Variants in SRFBP1 observed in about 807,000 individuals in gnomAD.
SRFBP1 encodes the protein serum response factor binding protein 1, also known as serum response factor-binding protein 1.
In SRFBP1, 47 loss-of-function variants were observed where a neutral mutation model predicts 45.5. The ratio of observed to expected loss-of-function variants is 1.03; its 90% CI spans 0.82 to 1.32. The LOEUF is 1.32. SRFBP1 is among the 40% of genes most tolerant of loss of function. The pLI, the probability that SRFBP1 is intolerant of heterozygous loss-of-function variation, is 0.00. For missense variants in SRFBP1, 621 were observed against 484.6 expected (o/e 1.28, Z -2.64); for synonymous variants, 203 against 166.3 (o/e 1.22, Z -1.70).
At chr5:122,015,918 C>T (rs916867550) in intron 4 of SRFBP1, among the ~76,000 whole-genome samples, 1 of 152,142 alleles carries the variant, frequency 6.6e-6, no homozygotes, top group Non-Finnish European at 1.5e-5. Context: ...TATATCCCCT[C>T]CATCCTCCTC....
intron 4 of SRFBP1, among the ~76,000 whole-genome samples, chr5:122,018,112 T>A (rs936761639): frequency 1.3e-5 from 2 of 152,172 alleles, no homozygotes; most frequent in Non-Finnish European, 2.9e-5. Flanking sequence ...GTGTATATAT[T>A]TGGGAGTAGA....
downstream of SRFBP1, among the ~76,000 whole-genome samples, chr5:122,031,548 G>A (rs1310001934): frequency 6.6e-6 from 1 of 152,114 alleles, no homozygotes; most frequent in Non-Finnish European, 1.5e-5. Flanking sequence ...ACGAAGAAAA[G>A]CCAAAAAGGA....
chr5:121,977,920 C>G (rs1464858138), intron 3 of SRFBP1, among the ~76,000 whole-genome samples: 1 of 152,120 alleles, frequency 6.6e-6, no homozygotes, highest in Non-Finnish European at 1.5e-5. Flanking sequence ...GCTGCCTTTT[C>G]TATAATAGTG....
At chr5:122,070,388 G>T in intron 2 of SRFBP1, 1 of 678,130 alleles carries the variant, frequency 1.5e-6, no homozygotes, top group Non-Finnish European at 2.6e-6. Context: ...ATAGTTTGAG[G>T]ATGTATAATT....
chr5:122,035,478 A>G (rs561675493), intron 2 of SRFBP1, among the ~76,000 whole-genome samples: 26 of 152,334 alleles, frequency 1.7e-4, no homozygotes, highest in Admixed American at 1.0e-3. Flanking sequence ...GCTCTGTCAC[A>G]AGTGAGCCAG....
chr5:122,024,100 A>G (rs1021428418), intron 7 of SRFBP1, among the ~76,000 whole-genome samples: 1 of 152,184 alleles, frequency 6.6e-6, no homozygotes, highest in Non-Finnish European at 1.5e-5. Flanking sequence ...AAGTTCCCAA[A>G]TATCTAGATT....
chr5:122,022,784 C>T (rs1166735405), intron 7 of SRFBP1, among the ~76,000 whole-genome samples: 1 of 152,186 alleles, frequency 6.6e-6, no homozygotes, highest in Non-Finnish European at 1.5e-5. Flanking sequence ...AGAGTATAAT[C>T]AGAATATTTT....
intron 3 of SRFBP1, among the ~76,000 whole-genome samples, chr5:121,979,120 G>T (rs1035656735): frequency 6.6e-6 from 1 of 152,038 alleles, no homozygotes; most frequent in African/African-American, 2.4e-5. Context: ...ATCTGTAAAG[G>T]CATAAAAGTT....
intron 3 of SRFBP1, 31 bp downstream of exon 3, chr5:121,975,418 A>G (rs753707806): frequency 2.5e-6 from 4 of 1,609,220 alleles, no homozygotes; most frequent in Non-Finnish European, 3.4e-6. Context: ...GTATGTGTGT[A>G]TGTTTCTGAG....
chr5:122,068,264 A>G (rs1754354234), intron 2 of SRFBP1, among the ~76,000 whole-genome samples: 2 of 151,958 alleles, frequency 1.3e-5, no homozygotes, highest in African/African-American at 2.4e-5. Context: ...GAGCAATACA[A>G]CAATTTTTAT....
intron 7 of SRFBP1, among the ~76,000 whole-genome samples, chr5:122,024,876 A>G (rs1265805486): frequency 6.6e-6 from 1 of 152,248 alleles, no homozygotes; most frequent in African/African-American, 2.4e-5. Context: ...AATATATAAA[A>G]TAATACATTC....
At chr5:122,017,590 C>T (rs74985780) in intron 4 of SRFBP1, among the ~76,000 whole-genome samples, 3,558 of 152,200 alleles carry the variant, frequency 0.023, 143 homozygotes, top group African/African-American at 0.081. Flanking sequence ...TTTGAGGGGA[C>T]GCGATTCAAC....
intron 4 of SRFBP1, among the ~76,000 whole-genome samples, chr5:122,012,767 A>T (rs185531055): frequency 6.6e-6 from 1 of 152,208 alleles, no homozygotes; most frequent in East Asian, 1.9e-4. Flanking sequence ...AATTATTATG[A>T]TTTCTTATAG....
At chr5:122,014,031 A>C (rs78096077) in intron 4 of SRFBP1, among the ~76,000 whole-genome samples, 1 of 152,320 alleles carries the variant, frequency 6.6e-6, no homozygotes, top group African/African-American at 2.4e-5. Flanking sequence ...GAGAGGATTT[A>C]AAATGTTCCC....
Position 122,072,655 on chromosome 5 carries a change from G to C in SRFBP1, n.312-2660G>C, listed in dbSNP as rs147236784. Among the ~76,000 whole-genome samples the C allele has an allele frequency of 6.0e-4, 91 of 152,270 alleles. 1 individual carries two copies. Among genetic ancestry groups the C allele is most frequent in the African/African-American group, 2.1e-3 (88 of 41,560 alleles). On this transcript the variant is annotated intron_variant and non_coding_transcript_variant, in intron 2 of 2. Coordinates refer to the SRFBP1 transcript ENST00000504881. Reference sequence around the variant, plus strand: ...CTTTAAATGAAGTCCATGTGAAAGAGACATTGATCTAATGAAAAAAACAAA... The same window carrying C: ...CTTTAAATGAAGTCCATGTGAAAGACACATTGATCTAATGAAAAAAACAAA...
rs985407682 is a variant in SRFBP1 at position 122,027,273 on chromosome 5, A to G, written c.*147A>G. ...ACTCCTGGGCTCAAGTGATCCTCCC[A>G]CCTCTGCCTCCCAAAGGGCTGGGAC... On this transcript the variant is annotated 3_prime_UTR_variant, in exon 8 of 8. Coordinates refer to ENST00000339397, the MANE Select transcript of SRFBP1 (RefSeq NM_152546.3). The G allele has an allele frequency of 1.7e-6, 1 of 601,516 alleles. No individual in the cohort carries two copies. Among genetic ancestry groups the G allele is most frequent in the Non-Finnish European group, 2.8e-6 (1 of 359,220 alleles). 37.3% of individuals were successfully genotyped at this position (601,516 alleles called of 1,614,324 possible).
chr5:122,042,201 A>G (rs1398685556), intron 2 of SRFBP1, among the ~76,000 whole-genome samples: 2 of 152,214 alleles, frequency 1.3e-5, no homozygotes, highest in Non-Finnish European at 2.9e-5. Context: ...CTTTAAAAGT[A>G]ACCATTTTGT....
rs550044983 is a variant in SRFBP1 at position 122,002,425 on chromosome 5, C to T, written c.270+7755C>T. On this transcript the variant is annotated intron_variant, in intron 4 of 7. Coordinates refer to ENST00000339397, the MANE Select transcript of SRFBP1 (RefSeq NM_152546.3). ...CTGTGGAATCCATGTAATGGGCTTACTCTTTTTGAATTTTTAAATATAGTA... is the reference window on the plus strand; with the variant it reads ...CTGTGGAATCCATGTAATGGGCTTATTCTTTTTGAATTTTTAAATATAGTA... Among the ~76,000 whole-genome samples the T allele has an allele frequency of 1.4e-4, 21 of 152,312 alleles. 1 individual carries two copies. The highest frequency in any genetic ancestry group is 5.1e-4 in the African/African-American group (21 of 41,574).
At chr5:121,967,886 A>G (rs1752108522) in intron 1 of SRFBP1, among the ~76,000 whole-genome samples, 1 of 152,230 alleles carries the variant, frequency 6.6e-6, no homozygotes, top group Non-Finnish European at 1.5e-5. Context: ...GAATTACTTC[A>G]AACGTATGGA....
Sources: allele counts gnomAD v4.1 joint callset (sites outside exome capture counted in the v4.1 genomes callset), GRCh38; gene constraint gnomAD v4.1.1; transcripts MANE v1.5; gene names NCBI Gene and HGNC (gene_info 2026-07-23, HGNC 2026-07-21).